UBAP2: variants seen among roughly 807,000 people sequenced by gnomAD.
UBAP2 encodes the protein ubiquitin-associated protein 2.
UBAP2 carries 75 observed loss-of-function variants against 139.6 expected under a neutral mutation model. The observed-to-expected ratio is 0.54, with a 90% CI of 0.45 to 0.65. UBAP2 has a LOEUF of 0.65. UBAP2 is among the 30% of genes least tolerant of loss of function. The pLI is 0.00. For synonymous variants in UBAP2, 526 were observed against 526.2 expected, an observed-to-expected ratio of 1.00 and a Z score of 0.01; for missense variants, 1,368 against 1,369.6, an observed-to-expected ratio of 1.00 and a Z score of 0.02.
At chr9:33,943,672 T>G in intron 14 of UBAP2, 83 bp from the exon 15 acceptor site, 1 of 1,366,358 alleles carries the variant, frequency 7.3e-7, no homozygotes, top group Non-Finnish European at 1.0e-6. Flanking sequence ...AAACAAGCAT[T>G]TAGGTTCCCA....
Position 33,998,835 on chromosome 9 carries a change from T to C in UBAP2, c.129A>G (p.Gln43=), listed in dbSNP as rs138921797. ...QATAEQMRLA[Q]VIFDKNDSDF... is the part of the protein sequence containing the mutation. ...CTGAATCATTCTTATCAAAGATCAC[T>C]TGAGCGAGACGCATCTGTTCAGCTG... The change falls in exon 3 of 29, where the codon CAA becomes CAG. Residue 43 remains glutamine, a synonymous_variant. Transcript: ENST00000379238. 1.9e-5 allele frequency: 31 copies of C among 1,612,048 alleles called. No individual in the cohort carries two copies. The African/African-American group carries it at 3.1e-4, about 16-fold the overall frequency.
chr9:33,972,829 G>C (rs1266715359), intron 7 of UBAP2, among the ~76,000 whole-genome samples: 1 of 152,118 alleles, frequency 6.6e-6, no homozygotes, highest in African/African-American at 2.4e-5. Context: ...GTGCCATTTA[G>C]GTACGTCTAT....
intron 2 of UBAP2, among the ~76,000 whole-genome samples, chr9:34,008,071 G>A (rs780351953): frequency 6.6e-6 from 1 of 151,952 alleles, no homozygotes; most frequent in Non-Finnish European, 1.5e-5. Flanking sequence ...GGAGGCGAAG[G>A]TTGTAGTGAG....
intron 13 of UBAP2, among the ~76,000 whole-genome samples, chr9:33,947,887 T>A (rs1825771312): frequency 6.7e-6 from 1 of 148,170 alleles, no homozygotes; most frequent in South Asian, 2.1e-4. Context: ...GTGGTGCACA[T>A]CTATAATCCC....
chr9:34,012,840 A>T lies in UBAP2; in HGVS notation c.99+4210T>A, dbSNP rs371660381. Among the ~76,000 whole-genome samples the T allele has an allele frequency of 3.0e-3, 439 of 146,426 alleles. 3 individuals carry two copies. Among genetic ancestry groups the T allele is most frequent in the Non-Finnish European group, 5.2e-3 (346 of 66,708 alleles). ...AACTTTTCCGTAAATCTCACAATGT[A>T]TTTTTTTTTTTTTTAAATTGAGGTT... On this transcript the variant is annotated intron_variant, in intron 2 of 28. Transcript: ENST00000379238.
At chr9:34,021,552 C>T (rs924832944) in intron 1 of UBAP2, among the ~76,000 whole-genome samples, 2 of 151,998 alleles carry the variant, frequency 1.3e-5, no homozygotes, top group Non-Finnish European at 2.9e-5. Context: ...TGAATAAATG[C>T]ATACGAACAC....
chr9:33,924,174 C>T (rs767876597), intron 23 of UBAP2, 32 bp downstream of exon 23: 47 of 1,611,606 alleles, frequency 2.9e-5, no homozygotes, highest in East Asian at 2.7e-4. Flanking sequence ...AGGCCGGCCC[C>T]GGGCTACTCC....
intron 21 of UBAP2, 131 bp from the exon 22 acceptor site, chr9:33,926,795 C>G: frequency 9.3e-7 from 1 of 1,073,902 alleles, no homozygotes; most frequent in East Asian, 2.4e-5. Context: ...TTAGCTGTTA[C>G]GGGAACAGAT....
At chr9:33,973,372 C>G in intron 6 of UBAP2, 135 bp from the exon 7 acceptor site, 1 of 946,094 alleles carries the variant, frequency 1.1e-6, no homozygotes, top group Non-Finnish European at 1.6e-6. Flanking sequence ...CAATCCAGGG[C>G]ACCCAATTAA....
intron 19 of UBAP2, among the ~76,000 whole-genome samples, chr9:33,931,623 A>G (rs1477279360): frequency 1.3e-5 from 2 of 152,188 alleles, no homozygotes; most frequent in African/African-American, 4.8e-5. Flanking sequence ...GTGTTTTATG[A>G]TAAAAGATTC....
chr9:33,926,641 C>T lies in UBAP2; in HGVS notation c.2487G>A (p.Gln829=), dbSNP rs763040322. The T allele has an allele frequency of 9.9e-6, 16 of 1,614,210 alleles. No individual in the cohort carries two copies. The South Asian group carries it at 1.8e-4, about 18-fold the overall frequency. Residue 829 remains glutamine (Q), a synonymous_variant, in exon 22 of 29, where the codon CAG becomes CAA. Coordinates refer to ENST00000379238, the MANE Select transcript of UBAP2 (RefSeq NM_001370062.2). Reference sequence around the variant, plus strand: ...CCACTGGCAGCCGTGACTGCAGCATCTGGAGCTCGTCATAGCCATAGATCT... The same window carrying T: ...CCACTGGCAGCCGTGACTGCAGCATTTGGAGCTCGTCATAGCCATAGATCT... ...AYPIYGYDEL[Q]MLQSRLPVDY...
chr9:33,932,670 T>G, intron 18 of UBAP2, 42 bp from the exon 19 acceptor site: 1 of 1,608,600 alleles, frequency 6.2e-7, no homozygotes, highest in Non-Finnish European at 8.5e-7. Context: ...CCTGAACAAG[T>G]GACTCCAGAT....
At chr9:34,027,022 A>C (rs922442498) in intron 1 of UBAP2, among the ~76,000 whole-genome samples, 10 of 152,012 alleles carry the variant, frequency 6.6e-5, no homozygotes, top group African/African-American at 2.4e-4. Context: ...TCAGATACCC[A>C]TATGTTCTAT....
intron 2 of UBAP2, among the ~76,000 whole-genome samples, chr9:34,008,405 G>C (rs548081777): frequency 1.3e-5 from 2 of 151,658 alleles, no homozygotes; most frequent in South Asian, 4.2e-4. Context: ...CTTTGAACCA[G>C]GATGGTGTGT....
chr9:33,971,794 C>G (rs373130260), intron 7 of UBAP2, 40 bp from the exon 8 acceptor site: 20 of 1,251,038 alleles, frequency 1.6e-5, no homozygotes, highest in East Asian at 7.0e-5. Context: ...GCAAAAGAAG[C>G]AAACACCTAA....
intron 6 of UBAP2, among the ~76,000 whole-genome samples, chr9:33,975,889 A>T (rs1828302501): frequency 6.6e-6 from 1 of 151,850 alleles, no homozygotes; most frequent in Non-Finnish European, 1.5e-5. Flanking sequence ...TGACCATATG[A>T]TCATGAAATT....
intron 18 of UBAP2, 110 bp downstream of exon 18, chr9:33,933,380 C>T: frequency 1.6e-6 from 2 of 1,271,330 alleles, no homozygotes; most frequent in Non-Finnish European, 2.1e-6. Context: ...AAGCCCAGGA[C>T]ATCACGTCAG....
intron 13 of UBAP2, among the ~76,000 whole-genome samples, chr9:33,944,871 G>A (rs1279038380): frequency 6.6e-6 from 1 of 152,162 alleles, no homozygotes; most frequent in African/African-American, 2.4e-5. Context: ...AGCATAGGGA[G>A]TGATGAACTC....
intron 6 of UBAP2, among the ~76,000 whole-genome samples, chr9:33,981,465 A>G (rs1185983615): frequency 6.7e-6 from 1 of 150,300 alleles, no homozygotes; most frequent in East Asian, 2.0e-4. Flanking sequence ...AAGCCATCCT[A>G]CCACCTCAGC....
Sources: gnomAD v4.1 joint callset for allele counts (sites outside exome capture counted in the v4.1 genomes callset) on GRCh38, gnomAD v4.1.1 for gene constraint, MANE v1.5 for transcripts, NCBI Gene and HGNC (gene_info 2026-07-23, HGNC 2026-07-21) for gene names.